Variants in RPAP3 observed in about 807,000 individuals in gnomAD.
RPAP3 encodes the protein RNA polymerase II-associated protein 3.
RPAP3 carries 58 observed loss-of-function variants against 88.8 expected under a neutral mutation model. The observed-to-expected ratio is 0.65, with a 90% CI of 0.53 to 0.81. The LOEUF (loss-of-function observed/expected upper bound fraction) is 0.81. Among genes scored for constraint, RPAP3 ranks in the 40% least tolerant of loss-of-function variants. The pLI is 0.00. For synonymous variants in RPAP3, 255 were observed against 259.9 expected, an observed-to-expected ratio of 0.98 and a Z score of 0.18; for missense variants, 751 against 764.3, an observed-to-expected ratio of 0.98 and a Z score of 0.20.
rs59485150 is a variant in RPAP3 at position 47,686,545 on chromosome 12, T to TACACACACAC, written c.992+225_992+234dup. On this transcript the variant is annotated intron_variant, in intron 9 of 16. Coordinates refer to ENST00000005386, the MANE Select transcript of RPAP3 (RefSeq NM_024604.3). ...AGGTACATAAACACACACATACACATACACACACACACACACACACACACA... is the reference window on the plus strand; with the variant it reads ...AGGTACATAAACACACACATACACATACACACACACACACACACACACACACACACACACA... Among the ~76,000 whole-genome samples, 1,154 of 145,432 alleles carry TACACACACAC rather than the reference T, an allele frequency of 7.9e-3. 8 individuals are homozygous for TACACACACAC. The highest frequency in any genetic ancestry group is 0.012 in the African/African-American group (465 of 39,918).
intron 4 of RPAP3, among the ~76,000 whole-genome samples, chr12:47,697,162 A>G (rs1404365517): frequency 1.3e-5 from 2 of 152,272 alleles, no homozygotes; most frequent in African/African-American, 4.8e-5. Flanking sequence ...CATTCCAAAA[A>G]GTAACCAAAG....
At position 47,661,621 on chromosome 12, in the gene RPAP3, T is replaced by A. The variant is rs185209655; in HGVS notation, c.*1884A>T. 6.6e-6 allele frequency: 1 copy of A among 152,338 alleles called. No individual in the cohort carries two copies. Among genetic ancestry groups the A allele is most frequent in the East Asian group, 1.9e-4 (1 of 5,188 alleles). 9.4% of individuals were successfully genotyped at this position (152,338 alleles called of 1,614,324 possible). A position where few individuals can be genotyped will look rare whatever the true frequency, so the allele number is the denominator to read the frequency against. On this transcript the variant is annotated 3_prime_UTR_variant, in exon 17 of 17. Coordinates refer to ENST00000005386, the MANE Select transcript of RPAP3 (RefSeq NM_024604.3). ...AATCAGGCTAACATCAGAAATTTTT[T>A]AAAATTCAAATTCTATAGTAAATCT...
intron 3 of RPAP3, among the ~76,000 whole-genome samples, chr12:47,698,127 T>C (rs1222675175): frequency 6.6e-6 from 1 of 152,096 alleles, no homozygotes; most frequent in Non-Finnish European, 1.5e-5. Flanking sequence ...ACTGCTATTT[T>C]AAAACTGCTA....
intron 12 of RPAP3, among the ~76,000 whole-genome samples, chr12:47,674,910 C>CCCATCTCACGTGCAAAGACGCACA (rs1422517379): frequency 6.6e-6 from 1 of 152,158 alleles, no homozygotes; most frequent in Non-Finnish European, 1.5e-5. Context: ...CACAAAGATA[C>CCCATCTCACGTGCAAAGACGCACA]TCCTCGAGAA....
chr12:47,661,393 T>C lies in RPAP3; in HGVS notation c.*2112A>G, dbSNP rs1453355978. ...AATAATAATAGTAACAGTAGCTTACTATACATCCAGCCCTGCTCCAAAAAC... is the reference window on the plus strand; with the variant it reads ...AATAATAATAGTAACAGTAGCTTACCATACATCCAGCCCTGCTCCAAAAAC... On this transcript the variant is annotated 3_prime_UTR_variant, in exon 17 of 17. Coordinates refer to ENST00000005386, the MANE Select transcript of RPAP3 (RefSeq NM_024604.3). 1.3e-5 allele frequency: 2 copies of C among 152,242 alleles called. No homozygotes were observed. Among genetic ancestry groups the C allele is most frequent in the African/African-American group, 4.8e-5 (2 of 41,466 alleles). 9.4% of individuals were successfully genotyped at this position (152,242 alleles called of 1,614,324 possible). A position where few individuals can be genotyped will look rare whatever the true frequency, so the allele number is the denominator to read the frequency against.
chr12:47,684,792 C>T (rs575749985), intron 9 of RPAP3, among the ~76,000 whole-genome samples: 9 of 152,266 alleles, frequency 5.9e-5, no homozygotes, highest in East Asian at 1.9e-4. Flanking sequence ...CACAATTCTT[C>T]GATAGCAAAA....
chr12:47,678,580 T>C (rs1939161745), intron 12 of RPAP3, among the ~76,000 whole-genome samples: 1 of 152,072 alleles, frequency 6.6e-6, no homozygotes, highest in Non-Finnish European at 1.5e-5. Context: ...CATCAAAAAG[T>C]GGGCAAAGGA....
intron 5 of RPAP3, among the ~76,000 whole-genome samples, chr12:47,694,351 A>G (rs1939482744): frequency 1.3e-5 from 2 of 152,238 alleles, no homozygotes; most frequent in Non-Finnish European, 2.9e-5. Flanking sequence ...TAGAGCTGGA[A>G]AAACCTTCAG....
chr12:47,703,540 T>C (rs1022029972), intron 1 of RPAP3, among the ~76,000 whole-genome samples: 2 of 152,076 alleles, frequency 1.3e-5, no homozygotes, highest in East Asian at 1.9e-4. Context: ...GCGTCAGAGG[T>C]ACATACAGAT....
intron 13 of RPAP3, among the ~76,000 whole-genome samples, chr12:47,669,603 T>C (rs1938954929): frequency 6.6e-6 from 1 of 152,174 alleles, no homozygotes; most frequent in African/African-American, 2.4e-5. Context: ...AATGTAAAAA[T>C]ATATGAGTAA....
chr12:47,703,512 C>A (rs1277252761), intron 1 of RPAP3, among the ~76,000 whole-genome samples: 1 of 152,278 alleles, frequency 6.6e-6, no homozygotes, highest in Non-Finnish European at 1.5e-5. Context: ...GGTAAAATAA[C>A]CCCTGGTTGA....
chr12:47,687,171 T>G (rs1323435992), intron 8 of RPAP3, among the ~76,000 whole-genome samples: 1 of 152,194 alleles, frequency 6.6e-6, no homozygotes, highest in Non-Finnish European at 1.5e-5. Context: ...TTCCATTAAT[T>G]ACATATTACG....
In RPAP3 at chr12:47,663,561, T is replaced by C; in HGVS notation, c.1942A>G (p.Lys648Glu). 1 of 1,585,654 alleles carries C rather than the reference T, an allele frequency of 6.3e-7. No individual in the cohort carries two copies. Among genetic ancestry groups the C allele is most frequent in the Non-Finnish European group, 8.6e-7 (1 of 1,166,786 alleles). The change falls in exon 17 of 17, where the codon AAG (lysine) becomes GAG (glutamate). Residue 648 changes from lysine to glutamate, a missense_variant. Coordinates refer to ENST00000005386, the MANE Select transcript of RPAP3 (RefSeq NM_024604.3). ...IARALFNHIDKSGLKDSSVEE... is the reference protein window; with the variant it reads ...IARALFNHIDESGLKDSSVEE... ...ACAGAACTATCCTTCAATCCTGACT[T>C]GTCTATGTGATTAAATAATGCACGT...
chr12:47,700,366 ATTCTC>A (rs1017018284), intron 3 of RPAP3, among the ~76,000 whole-genome samples: 1 of 152,206 alleles, frequency 6.6e-6, no homozygotes, highest in Non-Finnish European at 1.5e-5. Flanking sequence ...TATTGGAAAA[ATTCTC>A]TTTAAGTTAG....
At chr12:47,679,830 T>C in intron 10 of RPAP3, 56 bp from the exon 11 acceptor site, 1 of 1,205,248 alleles carries the variant, frequency 8.3e-7, no homozygotes, top group South Asian at 1.3e-5. Flanking sequence ...AGTTTTCATA[T>C]TCGCATGTAT....
intron 9 of RPAP3, 123 bp downstream of exon 9, chr12:47,686,657 T>TAA (rs1939330060): frequency 1.5e-6 from 1 of 673,992 alleles, no homozygotes; most frequent in Non-Finnish European, 2.4e-6. Context: ...AAATTTACCA[T>TAA]AAATTGGCAT....
intron 1 of RPAP3, 64 bp from the exon 2 acceptor site, chr12:47,702,910 G>A (rs1036332984): frequency 7.4e-7 from 1 of 1,355,966 alleles, no homozygotes; most frequent in Admixed American, 2.4e-5. Flanking sequence ...TTTTCTGAAA[G>A]CTAGCTAATT....
Position 47,690,659 on chromosome 12 carries a change from A to G in RPAP3, c.546-20T>C. Reference sequence around the variant, plus strand: ...GCAAATCTGCAATTTAAAAACATTAAAATAAATAAAGTTAATAAAACTAAT... The same window carrying G: ...GCAAATCTGCAATTTAAAAACATTAGAATAAATAAAGTTAATAAAACTAAT... On this transcript the variant is annotated intron_variant, in intron 5 of 16. Transcript: ENST00000005386. The G allele has an allele frequency of 7.0e-7, 1 of 1,423,956 alleles. No homozygotes were observed. The highest frequency in any genetic ancestry group is 9.4e-7 in the Non-Finnish European group (1 of 1,066,012). 88.2% of individuals were successfully genotyped at this position (1,423,956 alleles called of 1,614,324 possible).
Position 47,670,202 on chromosome 12 carries a change from C to T in RPAP3, c.1431G>A (p.Lys477=), listed in dbSNP as rs1296001622. 2 of 1,613,868 alleles carry T rather than the reference C, an allele frequency of 1.2e-6. No individual in the cohort carries two copies. The highest frequency in any genetic ancestry group is 2.7e-5 in the African/African-American group (2 of 74,912). ...AAAGGTCATCTTGGCTTGAATTCTTCTTACTTGTGGTGCCTGTGGCTGCTA... is the reference window on the plus strand; with the variant it reads ...AAAGGTCATCTTGGCTTGAATTCTTTTTACTTGTGGTGCCTGTGGCTGCTA... ...NVIAATGTTS[K]KNSSQDDLFP... is the part of the protein sequence containing the mutation. Residue 477 remains lysine (K), a synonymous_variant, in exon 13 of 17, where the codon AAG becomes AAA. Transcript: ENST00000005386.
Sources: gnomAD v4.1 joint callset for allele counts (sites outside exome capture counted in the v4.1 genomes callset) on GRCh38, gnomAD v4.1.1 for gene constraint, MANE v1.5 for transcripts, NCBI Gene and HGNC (gene_info 2026-07-23, HGNC 2026-07-21) for gene names.